NRXN3: variants seen among roughly 807,000 people sequenced by gnomAD.
NRXN3 encodes the protein neurexin 3.
Under a neutral mutation model 137.6 loss-of-function variants are expected in NRXN3, and 32 were observed. The observed-to-expected ratio is 0.23, with a 90% CI of 0.18 to 0.31. The LOEUF is 0.31. Among genes scored for constraint, NRXN3 ranks in the 10% least tolerant of loss-of-function variants. The pLI is 1.00. For missense variants in NRXN3, 1,574 were observed against 2,062.5 expected, an observed-to-expected ratio of 0.76 and a Z score of 4.59; for synonymous variants, 798 against 784.5, an observed-to-expected ratio of 1.02 and a Z score of -0.29.
At chr14:78,408,616 G>C (rs1192043923) in intron 4 of NRXN3, among the ~76,000 whole-genome samples, 1 of 152,156 alleles carries the variant, frequency 6.6e-6, no homozygotes, top group African/African-American at 2.4e-5. Context: ...CCACTTTGCT[G>C]CTTTGGTTGC....
At chr14:79,234,293 A>AATAAAT (rs2072815270) in intron 15 of NRXN3, among the ~76,000 whole-genome samples, 1 of 56,192 alleles carries the variant, frequency 1.8e-5, no homozygotes, top group Non-Finnish European at 3.2e-5. Context: ...TTCAATGGTA[A>AATAAAT]ATATATATAT....
At chr14:79,299,604 G>A (rs2084795857) in intron 15 of NRXN3, among the ~76,000 whole-genome samples, 1 of 152,030 alleles carries the variant, frequency 6.6e-6, no homozygotes, top group South Asian at 2.1e-4. Context: ...AACCTATATG[G>A]CACAGTTGTT....
At chr14:79,370,611 C>A (rs1173220134) in intron 15 of NRXN3, among the ~76,000 whole-genome samples, 1 of 152,026 alleles carries the variant, frequency 6.6e-6, no homozygotes, top group African/African-American at 2.4e-5. Context: ...AGCCACCGTG[C>A]CTGGCCAAGT....
chr14:79,493,353 A>G (rs1393478829), intron 16 of NRXN3, among the ~76,000 whole-genome samples: 3 of 152,248 alleles, frequency 2.0e-5, no homozygotes, highest in African/African-American at 7.2e-5. Flanking sequence ...AAAGCCATAC[A>G]TTCAGAATCC....
intron 10 of NRXN3, among the ~76,000 whole-genome samples, chr14:78,921,988 G>A (rs2099272091): frequency 1.3e-5 from 2 of 152,046 alleles, no homozygotes; most frequent in East Asian, 1.9e-4. Flanking sequence ...TTTTGTTCTG[G>A]TTTATCTCAT....
At chr14:78,815,386 CACAAGGATATGATA>C (rs1401975533) in intron 10 of NRXN3, among the ~76,000 whole-genome samples, 1 of 150,326 alleles carries the variant, frequency 6.7e-6, no homozygotes, top group African/African-American at 2.4e-5. Context: ...AAAATAACAT[CACAAGGATATGATA>C]TCTGCAAATT....
At chr14:79,110,813 C>T (rs1193537949) in intron 15 of NRXN3, among the ~76,000 whole-genome samples, 14 of 105,292 alleles carry the variant, frequency 1.3e-4, no homozygotes, top group East Asian at 3.6e-4. Flanking sequence ...TTTTTTGAGA[C>T]GGAGTCTCGA....
intron 10 of NRXN3, among the ~76,000 whole-genome samples, chr14:78,898,781 T>C (rs112283576): frequency 2.2e-3 from 338 of 152,146 alleles, no homozygotes; most frequent in African/African-American, 7.4e-3. Context: ...ACTTAAATAC[T>C]TGGCCTATTC....
intron 15 of NRXN3, among the ~76,000 whole-genome samples, chr14:79,380,481 G>A (rs749046224): frequency 5.3e-5 from 8 of 151,818 alleles, no homozygotes; most frequent in Non-Finnish European, 1.2e-4. Context: ...GTTTACTGAG[G>A]ATGATGATTT....
At chr14:78,608,280 A>G (rs946931713) in intron 4 of NRXN3, among the ~76,000 whole-genome samples, 1 of 152,070 alleles carries the variant, frequency 6.6e-6, no homozygotes, top group Non-Finnish European at 1.5e-5. Context: ...GGATGCTTGG[A>G]TGGAGAATAA....
chr14:78,173,509 C>CTG (rs1443300838), intron 1 of NRXN3, among the ~76,000 whole-genome samples: 8 of 151,316 alleles, frequency 5.3e-5, no homozygotes, highest in Non-Finnish European at 1.2e-4. Flanking sequence ...GCTTGTGTCT[C>CTG]TGTGTGTGTG....
intron 16 of NRXN3, among the ~76,000 whole-genome samples, chr14:79,526,657 C>G (rs1190451905): frequency 6.6e-6 from 1 of 152,110 alleles, no homozygotes; most frequent in African/African-American, 2.4e-5. Context: ...GCCAGACACT[C>G]AATTTTGCAG....
chr14:79,211,495 C>A (rs2067653197), intron 15 of NRXN3, among the ~76,000 whole-genome samples: 1 of 152,102 alleles, frequency 6.6e-6, no homozygotes, highest in Non-Finnish European at 1.5e-5. Context: ...TAAGTGAAAT[C>A]TCACAGCACA....
At chr14:78,715,443 C>T (rs1247333858) in intron 8 of NRXN3, among the ~76,000 whole-genome samples, 2 of 152,120 alleles carry the variant, frequency 1.3e-5, no homozygotes, top group East Asian at 3.9e-4. Context: ...GGGGCCTAGC[C>T]AACTGGCTGT....
At chr14:78,191,117 G>A (rs1343279735) in intron 1 of NRXN3, among the ~76,000 whole-genome samples, 4 of 152,200 alleles carry the variant, frequency 2.6e-5, no homozygotes, top group African/African-American at 9.6e-5. Context: ...TGCTTGGATA[G>A]AGCTGTAAAA....
chr14:79,174,868 C>T (rs1470613171), intron 15 of NRXN3, among the ~76,000 whole-genome samples: 2 of 151,362 alleles, frequency 1.3e-5, no homozygotes, highest in African/African-American at 4.9e-5. Flanking sequence ...ATCTGGGTGG[C>T]CAGCGCTTGG....
chr14:78,632,308 A>G (rs1046954310), intron 4 of NRXN3, among the ~76,000 whole-genome samples: 7 of 152,174 alleles, frequency 4.6e-5, no homozygotes, highest in South Asian at 2.1e-4. Flanking sequence ...TGTTGAGCAG[A>G]TACAGGTTCC....
chr14:79,131,512 A>G (rs2057472165), intron 15 of NRXN3, among the ~76,000 whole-genome samples: 1 of 152,158 alleles, frequency 6.6e-6, no homozygotes, highest in Admixed American at 6.5e-5. Flanking sequence ...TCAGGGACCC[A>G]TTTGAGGGGG....
At chr14:78,842,565 G>T (rs369694216) in intron 10 of NRXN3, among the ~76,000 whole-genome samples, 33 of 152,216 alleles carry the variant, frequency 2.2e-4, no homozygotes, top group African/African-American at 7.0e-4. Context: ...GGCACGCATT[G>T]TCATTGATAA....
Sources: gnomAD v4.1 joint callset for allele counts (sites outside exome capture counted in the v4.1 genomes callset) on GRCh38, gnomAD v4.1.1 for gene constraint, MANE v1.5 for transcripts, NCBI Gene and HGNC (gene_info 2026-07-23, HGNC 2026-07-21) for gene names.